PWWP2A: variants seen among roughly 807,000 people sequenced by gnomAD.
PWWP2A encodes the protein PWWP domain-containing protein 2A.
A neutral mutation model predicts 48.5 loss-of-function variants in PWWP2A; 18 were observed. The observed-to-expected ratio is 0.37, with a 90% confidence interval of 0.26 to 0.55. PWWP2A has a LOEUF of 0.55. Among genes scored for constraint, PWWP2A ranks in the 20% least tolerant of loss-of-function variants. The pLI is 0.81. For missense variants in PWWP2A, 867 were observed against 976.4 expected, an observed-to-expected ratio of 0.89 and a Z score of 1.49; for synonymous variants, 396 against 387.7, an observed-to-expected ratio of 1.02 and a Z score of -0.25.
At chr5:160,118,660 G>C (rs1758389702) in intron 1 of PWWP2A, 145 bp downstream of exon 1, 1 of 799,208 alleles carries the variant, frequency 1.3e-6, no homozygotes. Flanking sequence ...TGCCCCACTC[G>C]GAGCGCGCGC....
chr5:160,066,920 A>G (rs1365959984), intron 2 of PWWP2A: 3 of 152,020 alleles, frequency 2.0e-5, no homozygotes, highest in Admixed American at 6.6e-5. Context: ...TAGCGGCTTC[A>G]TGCTACTTGG....
downstream of PWWP2A, chr5:160,090,203 G>A (rs940997319): frequency 3.0e-6 from 3 of 984,376 alleles, no homozygotes; most frequent in Non-Finnish European, 2.4e-6. Flanking sequence ...CATGGCTTCT[G>A]AAACAAATCC....
rs528919357 is a variant in PWWP2A, at chr5:160,093,941, C to T, written c.709G>A (p.Gly237Ser). ...EGTEVKCEAN[G>S]AVPDDPSPVP... ...GGAGAAGGGTCATCGGGAACAGCACCATTTGCTTCACACTTGACTTCTGTC... is the reference window on the plus strand; with the variant it reads ...GGAGAAGGGTCATCGGGAACAGCACTATTTGCTTCACACTTGACTTCTGTC... The change falls in exon 2 of 2, where the codon GGT (glycine) becomes AGT (serine). Residue 237 changes from glycine (G) to serine (S), a missense_variant. Around this residue, in one of 4 missense-constraint regions of PWWP2A, gnomAD observed 385 missense variants for 396.9 expected, o/e 0.97. Transcript: ENST00000307063. This position sits in a 1 kb window ranked among gnomAD's most constrained non-coding sequence, Gnocchi z 5.8. 20 of 1,614,020 alleles carry T rather than the reference C, an allele frequency of 1.2e-5. No individual in the cohort carries two copies. In the South Asian group the frequency reaches 1.9e-4, roughly 15 times the overall value.
exon 4 of PWWP2A, chr5:160,076,602 G>A (rs1030130131): frequency 7.9e-5 from 12 of 152,170 alleles, no homozygotes; most frequent in African/African-American, 2.9e-4. Context: ...ATTATTTGCA[G>A]TATAATTAGA....
downstream of PWWP2A, among the ~76,000 whole-genome samples, chr5:160,074,842 T>C (rs536610906): frequency 4.6e-5 from 7 of 151,956 alleles, no homozygotes; most frequent in Non-Finnish European, 5.9e-5. Flanking sequence ...CTCATGCCTA[T>C]AATCCCAGCA....
chr5:160,100,823 A>T (rs1756196896), intron 1 of PWWP2A, among the ~76,000 whole-genome samples: 2 of 152,172 alleles, frequency 1.3e-5, no homozygotes, highest in South Asian at 2.1e-4. Context: ...TGCAAAAGAA[A>T]ATTTTACAAA....
chr5:160,111,224 A>C (rs1757535290), intron 1 of PWWP2A, among the ~76,000 whole-genome samples: 2 of 152,018 alleles, frequency 1.3e-5, no homozygotes, highest in African/African-American at 4.8e-5. Context: ...ATGGAGTGCA[A>C]TAGCATGATC....
chr5:160,092,897 T>C lies in PWWP2A; in HGVS notation c.1753A>G (p.Ile585Val). The C allele has an allele frequency of 6.4e-7, 1 of 1,551,744 alleles. No individual in the cohort carries two copies. The highest frequency in any genetic ancestry group is 8.7e-7 in the Non-Finnish European group (1 of 1,146,986). Residue 585 changes from isoleucine (I) to valine (V), a missense_variant, in exon 2 of 2, where the codon ATT (isoleucine) becomes GTT (valine). Ile to Val is a conservative substitution (Grantham distance 29). Coordinates refer to ENST00000307063, the MANE Select transcript of PWWP2A (RefSeq NM_001130864.2). Reference sequence around the variant, plus strand: ...GATTTCAAATCATCTGTGCTATCAATGCTACACACTGAAGCACTGGAAGAG... The same window carrying C: ...GATTTCAAATCATCTGTGCTATCAACGCTACACACTGAAGCACTGGAAGAG... The part of the protein sequence containing the change: ...SDSSSASVCS[I>V]DSTDDLKSSN...
At chr5:160,075,991 A>G (rs1435165633) in exon 4 of PWWP2A, 2 of 150,450 alleles carry the variant, frequency 1.3e-5, no homozygotes, top group Non-Finnish European at 2.9e-5. Context: ...TCAAGTCTAC[A>G]AAACAAAATA....
chr5:160,056,393 T>C, the PWWP2A span, among the ~76,000 whole-genome samples: 1 of 152,186 alleles, frequency 6.6e-6, no homozygotes, highest in Admixed American at 6.5e-5. Context: ...TGAGGGCACA[T>C]TGTGAGCTGA....
At chr5:160,053,407 T>C in the PWWP2A span, among the ~76,000 whole-genome samples, 1 of 151,892 alleles carries the variant, frequency 6.6e-6, no homozygotes, top group African/African-American at 2.4e-5. Context: ...ATCCTGTCAC[T>C]AAAAAAATTA....
chr5:160,093,034 T>G lies in PWWP2A; in HGVS notation c.1616A>C (p.Asp539Ala). The change falls in exon 2 of 2, where the codon GAC becomes GCC. Residue 539 changes from aspartate (D) to alanine (A), a missense_variant. By Grantham distance (126) the Asp-to-Ala change is moderately radical (BLOSUM62 -2). This residue lies in a region of PWWP2A where 382 missense variants were observed against 407.2 expected (regional missense o/e 0.94). Coordinates refer to ENST00000307063, the MANE Select transcript of PWWP2A (RefSeq NM_001130864.2). The surrounding 1 kb of genome is among the most constrained non-coding windows in gnomAD (Gnocchi z 5.8). ...GPEEASSEVQ[D>A]TNEVHVPGDQ... is the part of the protein sequence containing the mutation. The stretch of plus-strand genomic sequence containing the variant: ...ACCAGGCACATGCACTTCATTTGTG[T>G]CCTGAACCTCACTGCTGGCCTCTTC... 1 of 1,604,004 alleles carries G rather than the reference T, an allele frequency of 6.2e-7. No homozygotes were observed. Among genetic ancestry groups the G allele is most frequent in the Non-Finnish European group, 8.5e-7 (1 of 1,175,216 alleles).
intron 1 of PWWP2A, chr5:160,108,566 T>C (rs1331201480): frequency 7.8e-7 from 1 of 1,287,372 alleles, no homozygotes; most frequent in Non-Finnish European, 1.0e-6. Flanking sequence ...AATGGCTGTA[T>C]ATTTTTCCCA....
At chr5:160,045,172 G>A in the PWWP2A span, among the ~76,000 whole-genome samples, 6 of 152,072 alleles carry the variant, frequency 3.9e-5, no homozygotes, top group South Asian at 2.1e-4. Flanking sequence ...CCTTGTAAGC[G>A]TGATTAGCAT....
rs147120641 is a variant in PWWP2A, at chr5:160,095,255, G to A, written c.585-1190C>T. Among the ~76,000 whole-genome samples the A allele has an allele frequency of 1.4e-3, 208 of 151,862 alleles. 1 individual carries two copies. Among genetic ancestry groups the A allele is most frequent in the African/African-American group, 4.8e-3 (197 of 41,414 alleles). Reference sequence around the variant, plus strand: ...TAAACTGATTTGAAAACTCCATTACGGGTCCAGACTCTGTTTGCAAACCAT... The same window carrying A: ...TAAACTGATTTGAAAACTCCATTACAGGTCCAGACTCTGTTTGCAAACCAT... On this transcript the variant is annotated intron_variant, in intron 1 of 1. Transcript: ENST00000307063.
chr5:160,108,527 A>G, intron 1 of PWWP2A: 1 of 1,239,696 alleles, frequency 8.1e-7, no homozygotes, highest in Non-Finnish European at 1.1e-6. Context: ...AGTATAAGCT[A>G]CTGATACCAC....
intron 2 of PWWP2A, among the ~76,000 whole-genome samples, chr5:160,067,985 A>G (rs558982937): frequency 3.2e-4 from 48 of 152,342 alleles, no homozygotes; most frequent in Admixed American, 1.0e-3. Context: ...GTTCAAGACC[A>G]ACCTGACCAA....
At chr5:160,110,822 G>A (rs183310812) in intron 1 of PWWP2A, among the ~76,000 whole-genome samples, 5 of 150,842 alleles carry the variant, frequency 3.3e-5, no homozygotes, top group South Asian at 2.1e-4. Context: ...ACCTGAGGTC[G>A]GGAGTTTGAA....
Position 160,093,702 on chromosome 5 carries a change from T to A in PWWP2A, c.948A>T (p.Arg316=), listed in dbSNP as rs763053890. The change falls in exon 2 of 2, where the codon CGA becomes CGT. Residue 316 remains arginine, a synonymous_variant. Transcript: ENST00000307063. The surrounding 1 kb of genome is among the most constrained non-coding windows in gnomAD (Gnocchi z 5.8). ...PTSIMNAIKL[R]PRQVLCDKCK... Reference sequence around the variant, plus strand: ...ATTTATCACACAGAACTTGCCTGGGTCGTAGTTTAATAGCATTCATTATTG... The same window carrying A: ...ATTTATCACACAGAACTTGCCTGGGACGTAGTTTAATAGCATTCATTATTG... The A allele has an allele frequency of 2.0e-5, 33 of 1,614,044 alleles. No individual in the cohort carries two copies. The South Asian group carries it at 3.4e-4, about 17-fold the overall frequency.
Sources: gnomAD v4.1 joint callset for allele counts (sites outside exome capture counted in the v4.1 genomes callset) on GRCh38, gnomAD v4.1.1 for gene constraint, gnomAD v4.1.1 regional missense constraint, Gnocchi (gnomAD v3.1) non-coding constraint, MANE v1.5 for transcripts, NCBI Gene and HGNC (gene_info 2026-07-23, HGNC 2026-07-21) for gene names.